The following ZEB2 variants were observed in gnomAD, a reference collection of about 807,000 sequenced individuals.
The protein encoded by ZEB2 is zinc finger E-box-binding homeobox 2.
A neutral mutation model predicts 99.9 loss-of-function variants in ZEB2; 6 were observed. The ratio of observed to expected loss-of-function variants is 0.06; its 90% CI spans 0.03 to 0.12. The LOEUF is 0.12. Ranked by LOEUF, ZEB2 falls within the 10% of genes least tolerant of loss-of-function variation. The pLI is 1.00. For missense variants in ZEB2, 969 were observed against 1,502.8 expected, an observed-to-expected ratio of 0.64 and a Z score of 5.87; for synonymous variants, 517 against 542.5, an observed-to-expected ratio of 0.95 and a Z score of 0.65.
chr2:144,397,309 A>G (rs1206825301), intron 8 of ZEB2, among the ~76,000 whole-genome samples: 1 of 152,230 alleles, frequency 6.6e-6, no homozygotes, highest in South Asian at 2.1e-4. Flanking sequence ...TGTTTGTACT[A>G]ATTAATATTA....
rs886107693 is a variant in ZEB2, at chr2:144,430,400, T to A, written c.74-374A>T. The A allele has an allele frequency of 1.0e-5, 3 of 299,378 alleles. No homozygotes were observed. In the East Asian group the frequency reaches 2.8e-4, roughly 28 times the overall value. The allele number at this position is 299,378 out of a possible 1,614,324, so 18.5% of individuals were successfully genotyped here. On this transcript the variant is annotated intron_variant, in intron 2 of 9. Transcript: ENST00000627532. ...AGACAATTTTATTAGCTTAGAGACATGAAGTATTTACTATATAATGTTGTA... is the reference window on the plus strand; with the variant it reads ...AGACAATTTTATTAGCTTAGAGACAAGAAGTATTTACTATATAATGTTGTA...
chr2:144,428,756 G>T (rs1162282738), intron 3 of ZEB2: 1 of 151,964 alleles, frequency 6.6e-6, no homozygotes, highest in Non-Finnish European at 1.5e-5. Flanking sequence ...ATGTTTGATG[G>T]TTTATAGTCT....
chr2:144,395,896 T>C (rs1395824106), intron 9 of ZEB2, among the ~76,000 whole-genome samples: 1 of 152,118 alleles, frequency 6.6e-6, no homozygotes, highest in Non-Finnish European at 1.5e-5. Context: ...GCTCATCTGA[T>C]CTATTACTTT....
At position 144,517,171 on chromosome 2, in the gene ZEB2, G is replaced by GCGC. The variant is rs1018470315; in HGVS notation, c.73+104_73+106dup. On this transcript the variant is annotated intron_variant, in intron 2 of 9. Transcript: ENST00000627532. ...AGGGAGGCTCGCCCTAGAGCCCTGG[G>GCGC]CGCCGCCGCCGCCGCCGCCTCGGTT... The GCGC allele has an allele frequency of 8.6e-5, 127 of 1,473,266 alleles. 1 individual carries two copies. The highest frequency in any genetic ancestry group is 5.4e-4 in the East Asian group (23 of 42,986). 91.3% of individuals were successfully genotyped at this position (1,473,266 alleles called of 1,614,324 possible). A position where few individuals can be genotyped will look rare whatever the true frequency, so the allele number is the denominator to read the frequency against.
chr2:144,477,776 C>T (rs1704450593), intron 2 of ZEB2, among the ~76,000 whole-genome samples: 1 of 152,136 alleles, frequency 6.6e-6, no homozygotes, highest in Non-Finnish European at 1.5e-5. Context: ...ATGTACAGAA[C>T]CATGTAAAAT....
chr2:144,508,056 G>A (rs1258682615), intron 2 of ZEB2, among the ~76,000 whole-genome samples: 1 of 152,140 alleles, frequency 6.6e-6, no homozygotes, highest in Non-Finnish European at 1.5e-5. Flanking sequence ...GCCTCCCTTT[G>A]ATTTGAAAAG....
chr2:144,502,149 C>A (rs761992726), intron 2 of ZEB2, among the ~76,000 whole-genome samples: 2 of 152,110 alleles, frequency 1.3e-5, no homozygotes, highest in African/African-American at 4.8e-5. Context: ...GCAGTCTCAC[C>A]GGTTATTAGC....
At position 144,387,147 on chromosome 2, in the gene ZEB2, T is replaced by TA. The variant is rs757836957; in HGVS notation, c.*2303dup. ...AAATTTAGGAAAGTGGTATTATGGC[T>TA]AAGGAATAAATATAAATATGTTGTT... is the stretch of plus-strand genomic sequence containing the variant. On this transcript the variant is annotated 3_prime_UTR_variant, in exon 10 of 10. Coordinates refer to ENST00000627532, the MANE Select transcript of ZEB2 (RefSeq NM_014795.4). 1 of 151,546 alleles carries TA rather than the reference T, an allele frequency of 6.6e-6. No homozygotes were observed. Among genetic ancestry groups the TA allele is most frequent in the Admixed American group, 6.6e-5 (1 of 15,192 alleles). 9.4% of individuals were successfully genotyped at this position (151,546 alleles called of 1,614,324 possible).
intron 2 of ZEB2, among the ~76,000 whole-genome samples, chr2:144,505,475 T>A (rs1303396666): frequency 4.0e-4 from 61 of 152,196 alleles, no homozygotes; most frequent in Non-Finnish European, 7.3e-5. Flanking sequence ...TACTGATTCA[T>A]AAGATTTGGG....
chr2:144,508,269 G>A (rs1290392776), intron 2 of ZEB2, among the ~76,000 whole-genome samples: 3 of 152,022 alleles, frequency 2.0e-5, no homozygotes, highest in East Asian at 1.9e-4. Flanking sequence ...TAGGATTCAC[G>A]GATCTGGGAG....
intron 2 of ZEB2, among the ~76,000 whole-genome samples, chr2:144,473,389 A>C (rs1422165916): frequency 6.6e-6 from 1 of 152,148 alleles, no homozygotes; most frequent in South Asian, 2.1e-4. Flanking sequence ...GAAGAGTGCT[A>C]TGTGGTCCTA....
intron 2 of ZEB2, among the ~76,000 whole-genome samples, chr2:144,468,617 A>T (rs1280489198): frequency 6.6e-6 from 1 of 151,998 alleles, no homozygotes; most frequent in Non-Finnish European, 1.5e-5. Flanking sequence ...GAGTTAGCAC[A>T]TGTGTGTGTG....
intron 2 of ZEB2, among the ~76,000 whole-genome samples, chr2:144,457,211 G>C (rs529128199): frequency 1.3e-5 from 2 of 152,118 alleles, no homozygotes; most frequent in African/African-American, 4.8e-5. Context: ...AGCAGAGCCC[G>C]TTAATAGACA....
intron 2 of ZEB2, chr2:144,495,166 A>G (rs1704741709): frequency 1.3e-5 from 2 of 152,134 alleles, no homozygotes; most frequent in Admixed American, 6.5e-5. Flanking sequence ...TTTTATTGCT[A>G]TTTTTTCTCC....
At chr2:144,472,976 C>T (rs1704379557) in intron 2 of ZEB2, among the ~76,000 whole-genome samples, 1 of 151,970 alleles carries the variant, frequency 6.6e-6, no homozygotes, top group Non-Finnish European at 1.5e-5. Context: ...GGACCAAAAA[C>T]ATAGACAAGA....
At chr2:144,509,128 G>A (rs1018882757) in intron 2 of ZEB2, among the ~76,000 whole-genome samples, 2 of 152,164 alleles carry the variant, frequency 1.3e-5, no homozygotes, top group Non-Finnish European at 2.9e-5. Flanking sequence ...AGAATTCTGA[G>A]TGTCTTTGGA....
chr2:144,411,564 C>A (rs72858430), intron 4 of ZEB2, among the ~76,000 whole-genome samples: 2,772 of 152,294 alleles, frequency 0.018, 31 homozygotes, highest in Non-Finnish European at 0.029. Context: ...AGAGGATGAT[C>A]TTTTTCTCAT....
intron 9 of ZEB2, chr2:144,390,445 C>T: frequency 3.3e-6 from 1 of 306,884 alleles, no homozygotes; most frequent in Non-Finnish European, 6.3e-6. Context: ...GGCATCATCG[C>T]TGGCATTGGC....
At chr2:144,411,592 G>A (rs1004069223) in intron 4 of ZEB2, among the ~76,000 whole-genome samples, 2 of 152,146 alleles carry the variant, frequency 1.3e-5, no homozygotes, top group African/African-American at 2.4e-5. Flanking sequence ...CTACATGGGC[G>A]GCCTCGCAGA....
Sources: gnomAD v4.1 joint callset for allele counts (sites outside exome capture counted in the v4.1 genomes callset) on GRCh38, gnomAD v4.1.1 for gene constraint, MANE v1.5 for transcripts, NCBI Gene and HGNC (gene_info 2026-07-23, HGNC 2026-07-21) for gene names.